Variants in SERPINB8 observed in about 807,000 individuals in gnomAD.
SERPINB8 encodes the protein serpin family B member 8.
SERPINB8 carries 25 observed loss-of-function variants against 35.3 expected under a neutral mutation model. The observed-to-expected ratio is 0.71, with a 90% CI of 0.52 to 0.99. The LOEUF (loss-of-function observed/expected upper bound fraction) is 0.99. Among genes scored for constraint, SERPINB8 ranks in the 50% least tolerant of loss-of-function variants. The probability of loss-of-function intolerance (pLI) is 0.00; values close to 1 mark genes in which losing one functional copy is unlikely to be tolerated. For synonymous variants in SERPINB8, 186 were observed against 160.8 expected (o/e 1.16, Z -1.19); for missense variants, 484 against 446.5 (o/e 1.08, Z -0.76).
In SERPINB8 at chr18:63,998,703, C is replaced by T. The variant is rs140869433; in HGVS notation, c.71-6116C>T. 5.9e-5 allele frequency among the ~76,000 whole-genome samples: 9 copies of T among 152,220 alleles called. 2 individuals are homozygous for T. The highest frequency in any genetic ancestry group is 2.2e-4 in the African/African-American group (9 of 41,530). Reference sequence around the variant, plus strand: ...GCAAGTTCCCTCCATCCTTTTTGAGCCCTTCCTGAAGACCAAAATCAGTGG... The same window carrying T: ...GCAAGTTCCCTCCATCCTTTTTGAGTCCTTCCTGAAGACCAAAATCAGTGG... On this transcript the variant is annotated intron_variant, in intron 1 of 1. Coordinates refer to the SERPINB8 transcript ENST00000493661.
chr18:64,013,990 C>T (rs2050938088), intron 7 of SERPINB8, among the ~76,000 whole-genome samples: 1 of 152,114 alleles, frequency 6.6e-6, no homozygotes, highest in South Asian at 2.1e-4. Flanking sequence ...CTATTGGCAC[C>T]TTTTAAAGAG....
chr18:63,973,614 T>A (rs561508785), intron 1 of SERPINB8, among the ~76,000 whole-genome samples: 2 of 152,384 alleles, frequency 1.3e-5, no homozygotes, highest in Non-Finnish European at 2.9e-5. Context: ...CTAGGGTTTT[T>A]ATGGTTTTAG....
intron 3 of SERPINB8, among the ~76,000 whole-genome samples, chr18:63,981,215 T>C (rs2050666417): frequency 6.6e-6 from 1 of 152,228 alleles, no homozygotes; most frequent in South Asian, 2.1e-4. Context: ...TTGCTCTGTA[T>C]TCTTCCAACC....
rs920430930 is a variant in SERPINB8 at position 64,004,984 on chromosome 18, G to A, written c.*106G>A. The A allele has an allele frequency of 5.0e-4, 200 of 396,772 alleles. No individual in the cohort carries two copies. In the Middle Eastern group the frequency reaches 5.7e-3, roughly 11 times the overall value. The allele number at this position is 396,772 out of a possible 1,614,324, so 24.6% of individuals were successfully genotyped here. A position where few individuals can be genotyped will look rare whatever the true frequency, so the allele number is the denominator to read the frequency against. The stretch of plus-strand genomic sequence containing the variant: ...AATGTCATAAAAGACAAGCACTGTG[G>A]AAGTGCCACAGGAGGATGTGTGATA... On this transcript the variant is annotated 3_prime_UTR_variant, in exon 2 of 2. Transcript: ENST00000493661.
At chr18:63,986,420 C>G in intron 6 of SERPINB8, 4 of 1,478,656 alleles carry the variant, frequency 2.7e-6, no homozygotes, top group East Asian at 2.4e-5. Flanking sequence ...CTCTTTTACT[C>G]TGAGTTGCCC....
chr18:63,971,243 A>C (rs974032384), intron 1 of SERPINB8, among the ~76,000 whole-genome samples: 21 of 152,074 alleles, frequency 1.4e-4, no homozygotes, highest in African/African-American at 4.1e-4. Context: ...AAATAGGTGG[A>C]TTTCTTCCCT....
intron 7 of SERPINB8, among the ~76,000 whole-genome samples, chr18:64,016,122 G>A (rs2050948898): frequency 6.6e-6 from 1 of 152,230 alleles, no homozygotes; most frequent in Admixed American, 6.5e-5. Context: ...TGGGCCTGAG[G>A]GCTGAGGGGA....
At chr18:63,981,896 C>A in intron 4 of SERPINB8, 58 bp downstream of exon 4, 1 of 1,267,654 alleles carries the variant, frequency 7.9e-7, no homozygotes, top group South Asian at 1.3e-5. Flanking sequence ...CTTAGATTGA[C>A]TGGGATGGGA....
At chr18:64,001,475 G>GTTTGTTTGTTTATTTA (rs1555716935) in intron 1 of SERPINB8, among the ~76,000 whole-genome samples, 350 of 146,908 alleles carry the variant, frequency 2.4e-3, no homozygotes, top group Non-Finnish European at 3.9e-3. Flanking sequence ...TTGTTTGTTT[G>GTTTGTTTGTTTATTTA]TTTATTTATT....
chr18:63,970,416 G>A (rs535347947), intron 1 of SERPINB8: 43 of 163,196 alleles, frequency 2.6e-4, no homozygotes, highest in African/African-American at 9.8e-4. Context: ...GCGAGACCCG[G>A]CGAAGGCCGA....
chr18:63,976,189 AT>A (rs1395773778), intron 1 of SERPINB8, among the ~76,000 whole-genome samples: 1 of 152,224 alleles, frequency 6.6e-6, no homozygotes, highest in African/African-American at 2.4e-5. Context: ...GGATCATGAG[AT>A]TATAGATAAT....
Position 63,981,851 on chromosome 18 carries a change from C to A in SERPINB8, c.424+13C>A, listed in dbSNP as rs1462059711. 1 of 1,556,984 alleles carries A rather than the reference C, an allele frequency of 6.4e-7. No individual in the cohort carries two copies. Among genetic ancestry groups the A allele is most frequent in the Non-Finnish European group, 8.8e-7 (1 of 1,131,948 alleles). On this transcript the variant is annotated intron_variant, in intron 4 of 6. Transcript: ENST00000397985. ...GAGAAGACTGAAGGTGAGACAGTTT[C>A]ATTTCTGTTGATTTGGAATTACTAT...
chr18:64,012,757 C>A (rs901226631), intron 7 of SERPINB8, among the ~76,000 whole-genome samples: 1 of 151,990 alleles, frequency 6.6e-6, no homozygotes, highest in African/African-American at 2.4e-5. Context: ...TTTGATTGTC[C>A]ATTCATATCT....
intron 6 of SERPINB8, chr18:63,986,123 TC>T: frequency 1.3e-6 from 1 of 765,200 alleles, no homozygotes; most frequent in Non-Finnish European, 2.2e-6. Context: ...ATTAGGAGAG[TC>T]TAGAAATAGA....
chr18:63,978,899 A>G (rs2050625372), intron 2 of SERPINB8, among the ~76,000 whole-genome samples: 1 of 152,204 alleles, frequency 6.6e-6, no homozygotes, highest in East Asian at 1.9e-4. Context: ...ATGATTATGC[A>G]TCCTAGAAGA....
chr18:64,000,809 G>A (rs1243031945), intron 1 of SERPINB8, among the ~76,000 whole-genome samples: 1 of 152,128 alleles, frequency 6.6e-6, no homozygotes, highest in Non-Finnish European at 1.5e-5. Flanking sequence ...ATGAATAAAA[G>A]CCTGACTGTC....
At chr18:64,016,166 C>T (rs2050949089) in intron 7 of SERPINB8, among the ~76,000 whole-genome samples, 1 of 152,208 alleles carries the variant, frequency 6.6e-6, no homozygotes, top group South Asian at 2.1e-4. Context: ...GAGAAGCACA[C>T]TGGTGACTGA....
At chr18:64,002,595 A>G (rs536870792) in intron 1 of SERPINB8, among the ~76,000 whole-genome samples, 1 of 152,296 alleles carries the variant, frequency 6.6e-6, no homozygotes, top group South Asian at 2.1e-4. Flanking sequence ...CCTCCTTGCA[A>G]GAGCAGGAGG....
intron 1 of SERPINB8, among the ~76,000 whole-genome samples, chr18:64,003,204 C>A (rs2050884303): frequency 6.6e-6 from 1 of 152,154 alleles, no homozygotes; most frequent in South Asian, 2.1e-4. Context: ...TTTTACCCAG[C>A]ACTGTTCCTG....
Sources: allele counts gnomAD v4.1 joint callset (sites outside exome capture counted in the v4.1 genomes callset), GRCh38; gene constraint gnomAD v4.1.1; transcripts MANE v1.5; gene names NCBI Gene and HGNC (gene_info 2026-07-23, HGNC 2026-07-21).